ARHGAP31: variants seen among roughly 807,000 people sequenced by gnomAD.
The protein encoded by ARHGAP31 is Rho GTPase activating protein 31.
In ARHGAP31, 34 loss-of-function variants were observed where a neutral mutation model predicts 113.9. The observed-to-expected ratio is 0.30, with a 90% confidence interval of 0.23 to 0.40. The LOEUF is 0.40. ARHGAP31 is among the 10% of genes least tolerant of loss of function. ARHGAP31 has a pLI of 1.00. For missense variants in ARHGAP31, 1,548 were observed against 1,767.1 expected (o/e 0.88, Z 2.22); for synonymous variants, 650 against 684.8 (o/e 0.95, Z 0.79).
intron 6 of ARHGAP31, among the ~76,000 whole-genome samples, chr3:119,385,886 G>C (rs1335556724): frequency 6.6e-6 from 1 of 152,192 alleles, no homozygotes; most frequent in Non-Finnish European, 1.5e-5. Context: ...AATCATTGTG[G>C]AGAACTAGGG....
At chr3:119,295,716 G>C (rs2079529111) in intron 1 of ARHGAP31, among the ~76,000 whole-genome samples, 1 of 147,652 alleles carries the variant, frequency 6.8e-6, no homozygotes, top group Non-Finnish European at 1.5e-5. Context: ...AGGGTAAGTA[G>C]AGAAAAGGAA....
In ARHGAP31 at chr3:119,390,751, C is replaced by G. The variant is rs750255350; in HGVS notation, c.683-34C>G. Reference sequence around the variant, plus strand: ...CTGGATGGATGTGATGGGCAGGCCTCCTCCAACACTGAGCTCTTCCATTGC... The same window carrying G: ...CTGGATGGATGTGATGGGCAGGCCTGCTCCAACACTGAGCTCTTCCATTGC... On this transcript the variant is annotated intron_variant, in intron 6 of 11. Transcript: ENST00000264245. The G allele has an allele frequency of 1.9e-6, 3 of 1,604,110 alleles. No homozygotes were observed. The South Asian group carries it at 3.3e-5, about 18-fold the overall frequency.
intron 1 of ARHGAP31, among the ~76,000 whole-genome samples, chr3:119,347,989 T>C (rs1221535849): frequency 2.0e-5 from 3 of 152,240 alleles, no homozygotes; most frequent in African/African-American, 7.2e-5. Context: ...ATATCAGGGG[T>C]GCCCAAGCCC....
intron 3 of ARHGAP31, among the ~76,000 whole-genome samples, chr3:119,371,895 T>C (rs960988356): frequency 1.3e-5 from 2 of 152,202 alleles, no homozygotes; most frequent in Non-Finnish European, 2.9e-5. Context: ...TTGCTAAGGA[T>C]AATGGCCCCC....
At chr3:119,391,588 T>TCCCCCCCCCCCCCCCCCC (rs1250576354) in intron 7 of ARHGAP31, among the ~76,000 whole-genome samples, 1 of 99,026 alleles carries the variant, frequency 1.0e-5, no homozygotes, top group Non-Finnish European at 2.0e-5. Context: ...CCTGGGTCTC[T>TCCCCCCCCCCCCCCCCCC]ACCCCCCCCT....
chr3:119,387,317 C>T (rs527610629), intron 6 of ARHGAP31, among the ~76,000 whole-genome samples: 29 of 152,334 alleles, frequency 1.9e-4, no homozygotes, highest in Admixed American at 1.2e-3. Context: ...CCCCTCAGCT[C>T]CTATCTCTAT....
rs1248282921 is a variant in ARHGAP31 at position 119,309,312 on chromosome 3, G to T, written c.100+14308G>T. 3.3e-5 allele frequency among the ~76,000 whole-genome samples: 5 copies of T among 152,354 alleles called. No individual in the cohort carries two copies. The East Asian group carries it at 7.7e-4, about 23-fold the overall frequency. On this transcript the variant is annotated intron_variant, in intron 1 of 11. Coordinates refer to ENST00000264245, the MANE Select transcript of ARHGAP31 (RefSeq NM_020754.4). ...TGCAAGTGTAAAGTGCTGCTGGCCT[G>T]TCAGTAATATGTGTTCAGCCTTGCT... is the stretch of plus-strand genomic sequence containing the variant.
intron 10 of ARHGAP31, among the ~76,000 whole-genome samples, chr3:119,402,981 C>G (rs1472975386): frequency 6.6e-6 from 1 of 152,148 alleles, no homozygotes; most frequent in Non-Finnish European, 1.5e-5. Flanking sequence ...AGTCCCATGC[C>G]CAGCCTTGGA....
At chr3:119,317,176 CTTTTTTCTT>C (rs1442539101) in intron 1 of ARHGAP31, among the ~76,000 whole-genome samples, 17 of 139,438 alleles carry the variant, frequency 1.2e-4, no homozygotes, top group Admixed American at 5.0e-4. Flanking sequence ...TTTCTATTTT[CTTTTTTCTT>C]TTTTTTTTTT....
intron 8 of ARHGAP31, 141 bp downstream of exon 8, chr3:119,393,732 T>G: frequency 8.0e-7 from 1 of 1,244,788 alleles, no homozygotes; most frequent in Non-Finnish European, 1.1e-6. Flanking sequence ...GAGTCTTTTT[T>G]CAAAACATTT....
At chr3:119,385,799 C>A (rs1308779835) in intron 6 of ARHGAP31, among the ~76,000 whole-genome samples, 1 of 152,200 alleles carries the variant, frequency 6.6e-6, no homozygotes, top group African/African-American at 2.4e-5. Context: ...ACTACTGAAC[C>A]CAAATCTTTT....
chr3:119,415,398 G>T lies in ARHGAP31; in HGVS notation c.3469G>T (p.Val1157Phe), dbSNP rs1226622403. Residue 1157 changes from valine (V) to phenylalanine (F), a missense_variant, in exon 12 of 12, where the codon GTT (valine) becomes TTT (phenylalanine). By Grantham distance (50) the Val-to-Phe change is conservative. Coordinates refer to ENST00000264245, the MANE Select transcript of ARHGAP31 (RefSeq NM_020754.4). ...SSYCKADPWR[V>F]YSQDPQDLDI... ...TTACTGTAAAGCAGACCCCTGGAGG[G>T]TTTACTCCCAGGACCCCCAGGACCT... 1 of 1,613,892 alleles carries T rather than the reference G, an allele frequency of 6.2e-7. No individual in the cohort carries two copies. The highest frequency in any genetic ancestry group is 8.5e-7 in the Non-Finnish European group (1 of 1,180,024).
intron 2 of ARHGAP31, 64 bp downstream of exon 2, chr3:119,365,482 C>A: frequency 7.2e-7 from 1 of 1,395,934 alleles, no homozygotes; most frequent in Non-Finnish European, 1.0e-6. Flanking sequence ...ATGCCTCTGT[C>A]CATCGGTGTC....
chr3:119,383,356 T>C (rs1477122990), intron 6 of ARHGAP31, 130 bp downstream of exon 6: 4 of 1,158,030 alleles, frequency 3.5e-6, no homozygotes, highest in Non-Finnish European at 5.1e-6. Flanking sequence ...TGCTGACTAC[T>C]GTGTGTCAGT....
At chr3:119,354,476 T>TTG (rs5852200) in intron 1 of ARHGAP31, among the ~76,000 whole-genome samples, 1,949 of 147,920 alleles carry the variant, frequency 0.013, 10 homozygotes, top group Non-Finnish European at 0.02. Flanking sequence ...TGTGTGTGGT[T>TTG]TGTGTGTGTG....
In ARHGAP31 at chr3:119,382,272, CA is replaced by C. The variant is rs1161659925; in HGVS notation, c.432-14del. ...CGGGCACTGAAGTTTCTTACTTTGT[CA>C]AAAAACAAACCATTCTAGGACCTTG... On this transcript the variant is annotated intron_variant, in intron 4 of 11. Transcript: ENST00000264245. 6 of 1,611,964 alleles carry C rather than the reference CA, an allele frequency of 3.7e-6. No homozygotes were observed. The highest frequency in any genetic ancestry group is 5.1e-6 in the Non-Finnish European group (6 of 1,178,082).
chr3:119,332,507 C>T (rs1367073468), intron 1 of ARHGAP31, among the ~76,000 whole-genome samples: 1 of 151,856 alleles, frequency 6.6e-6, no homozygotes, highest in South Asian at 2.1e-4. Context: ...GGCCGGATTC[C>T]CTGTATTTTA....
chr3:119,301,604 T>C (rs957157979), intron 1 of ARHGAP31, among the ~76,000 whole-genome samples: 5 of 152,024 alleles, frequency 3.3e-5, no homozygotes, highest in African/African-American at 7.3e-5. Context: ...CAAAAGTTGA[T>C]TGATCACTGC....
At chr3:119,385,720 A>G (rs1193793183) in intron 6 of ARHGAP31, among the ~76,000 whole-genome samples, 1 of 152,220 alleles carries the variant, frequency 6.6e-6, no homozygotes, top group Non-Finnish European at 1.5e-5. Flanking sequence ...TTTATACATG[A>G]AGAACCAGAG....
Sources: gnomAD v4.1 joint callset for allele counts (sites outside exome capture counted in the v4.1 genomes callset) on GRCh38, gnomAD v4.1.1 for gene constraint, MANE v1.5 for transcripts, NCBI Gene and HGNC (gene_info 2026-07-23, HGNC 2026-07-21) for gene names.